Variants in EIF2D observed in about 807,000 individuals in gnomAD.
EIF2D encodes hepatocellular carcinoma-associated antigen 56.
A neutral mutation model predicts 77.4 loss-of-function variants in EIF2D; 56 were observed. The ratio of observed to expected loss-of-function variants is 0.72; its 90% CI spans 0.58 to 0.90. The LOEUF (loss-of-function observed/expected upper bound fraction) is 0.90, where lower values mean the gene tolerates loss of function less well. Among genes scored for constraint, EIF2D ranks in the 40% least tolerant of loss-of-function variants. The probability of loss-of-function intolerance (pLI) is 0.00; values close to 1 mark genes in which losing one functional copy is unlikely to be tolerated. For missense variants in EIF2D, 574 were observed against 706.5 expected (o/e 0.81, Z 2.13); for synonymous variants, 230 against 271.0 (o/e 0.85, Z 1.49).
chr1:206,574,852 AC>A (rs1668577867), intron 4 of EIF2D, among the ~76,000 whole-genome samples: 1 of 116,586 alleles, frequency 8.6e-6, no homozygotes, highest in Non-Finnish European at 1.8e-5. Flanking sequence ...GGGACCAATG[AC>A]TTTTTTTTTT....
At chr1:206,610,644 TCC>T (rs1670431087) in intron 2 of EIF2D, among the ~76,000 whole-genome samples, 1 of 151,900 alleles carries the variant, frequency 6.6e-6, no homozygotes, top group African/African-American at 2.4e-5. Context: ...CATGGTGAAA[TCC>T]CGTCTCTACT....
chr1:206,598,503 AT>A (rs1431461211), intron 11 of EIF2D, among the ~76,000 whole-genome samples: 2 of 152,212 alleles, frequency 1.3e-5, no homozygotes, highest in Admixed American at 6.5e-5. Context: ...ACAACAATGT[AT>A]TGTGTATGTC....
chr1:206,602,926 G>T, intron 6 of EIF2D, 25 bp downstream of exon 6: 4 of 1,609,970 alleles, frequency 2.5e-6, no homozygotes, highest in Non-Finnish European at 3.4e-6. Context: ...TGGGGAGATG[G>T]GCTCTTCTCC....
chr1:206,609,290 A>T (rs565071291), intron 3 of EIF2D, 86 bp downstream of exon 3: 1 of 1,336,924 alleles, frequency 7.5e-7, no homozygotes, highest in South Asian at 1.2e-5. Flanking sequence ...CCACAAAAAC[A>T]CAGGAAATGG....
intron 2 of EIF2D, among the ~76,000 whole-genome samples, chr1:206,610,654 A>C (rs541148947): frequency 5.9e-5 from 9 of 152,264 alleles, no homozygotes; most frequent in African/African-American, 2.2e-4. Context: ...TCCCGTCTCT[A>C]CTAAAAAATG....
chr1:206,602,097 C>A, intron 7 of EIF2D: 1 of 454,330 alleles, frequency 2.2e-6, no homozygotes, highest in Non-Finnish European at 3.9e-6. Flanking sequence ...TTTAACTTTC[C>A]GGTCCTCAAT....
At position 206,611,269 on chromosome 1, in the gene EIF2D, A is replaced by G. The variant is rs1670482268; in HGVS notation, c.162T>C (p.Tyr54=). ...CAGTCACTGCATCCCCTTTGTGAGC[A>G]TACAACTTCACAATGTTGAGCTCCT... ...GKEELNIVKL[Y]AHKGDAVTVY... The change falls in exon 2 of 15, where the codon TAT becomes TAC. Residue 54 remains tyrosine, a synonymous_variant. Coordinates refer to ENST00000271764, the MANE Select transcript of EIF2D (RefSeq NM_006893.3). 1 of 1,614,212 alleles carries G rather than the reference A, an allele frequency of 6.2e-7. No homozygotes were observed. The highest frequency in any genetic ancestry group is 1.3e-5 in the African/African-American group (1 of 75,054).
intron 5 of EIF2D, chr1:206,603,472 A>C (rs1670031841): frequency 5.7e-6 from 2 of 350,754 alleles, no homozygotes. Context: ...ATTAATAGAC[A>C]TCCCAAGACT....
chr1:206,573,325 T>G (rs182458871), intron 4 of EIF2D, among the ~76,000 whole-genome samples: 1 of 152,196 alleles, frequency 6.6e-6, no homozygotes, highest in Non-Finnish European at 1.5e-5. Context: ...CTGAGGCATA[T>G]AGATTTTCTG....
chr1:206,574,412 T>G (rs1391842414), intron 4 of EIF2D, among the ~76,000 whole-genome samples: 1 of 152,216 alleles, frequency 6.6e-6, no homozygotes, highest in African/African-American at 2.4e-5. Flanking sequence ...TCCTCACCCA[T>G]AGGCAGTTCA....
chr1:206,599,678 T>C lies in EIF2D; in HGVS notation c.1052+55A>G. 1 of 1,612,872 alleles carries C rather than the reference T, an allele frequency of 6.2e-7. No individual in the cohort carries two copies. Among genetic ancestry groups the C allele is most frequent in the East Asian group, 2.2e-5 (1 of 44,860 alleles). ...TAGCATCTCAGCAATCCCCAGTCCG[T>C]GGCCCAGGTGCCCTGGGGCCAGCTG... On this transcript the variant is annotated intron_variant, in intron 9 of 14. Transcript: ENST00000271764. The surrounding 1 kb of genome is among the most constrained non-coding windows in gnomAD (Gnocchi z 4.1).
intron 6 of EIF2D, 171 bp downstream of exon 6, chr1:206,602,780 G>A (rs781901190): frequency 3.0e-4 from 291 of 978,088 alleles, no homozygotes; most frequent in Non-Finnish European, 3.9e-4. Flanking sequence ...ATGTGGAAAG[G>A]ATTCAAAAAC....
Position 206,596,213 on chromosome 1 carries a change from G to A in EIF2D, c.1389-375C>T, listed in dbSNP as rs562704609. Among the ~76,000 whole-genome samples the A allele has an allele frequency of 1.4e-4, 21 of 152,298 alleles. 1 individual carries two copies. Among genetic ancestry groups the A allele is most frequent in the Admixed American group, 1.1e-3 (17 of 15,290 alleles). On this transcript the variant is annotated intron_variant, in intron 12 of 14. Transcript: ENST00000271764. ...GTGCCTTAAGTGGCCCATTGCCTGC[G>A]AGTGCTGCTTCACATTTCTGACATG... is the stretch of plus-strand genomic sequence containing the variant.
downstream of EIF2D, chr1:206,586,662 T>G (rs946598339): frequency 2.0e-5 from 13 of 637,482 alleles, no homozygotes; most frequent in Non-Finnish European, 3.0e-5. Flanking sequence ...ATGACAGGCA[T>G]GCAAAGCCCA....
At chr1:206,594,887 C>A (rs949225564) in intron 13 of EIF2D, 8 of 152,070 alleles carry the variant, frequency 5.3e-5, no homozygotes, top group African/African-American at 1.9e-4. Flanking sequence ...TAAATAGTGA[C>A]TGTTACTAAT....
intron 4 of EIF2D, among the ~76,000 whole-genome samples, chr1:206,574,122 C>T (rs1553404706): frequency 6.6e-6 from 1 of 152,178 alleles, no homozygotes; most frequent in African/African-American, 2.4e-5. Flanking sequence ...GCTACTGTTC[C>T]CTGGTATAAC....
chr1:206,609,186 C>A (rs1283195082), intron 3 of EIF2D, among the ~76,000 whole-genome samples, 190 bp downstream of exon 3: 5 of 152,214 alleles, frequency 3.3e-5, no homozygotes, highest in Admixed American at 6.5e-5. Flanking sequence ...CTTATTTAAG[C>A]CTTACAACAG....
At position 206,599,452 on chromosome 1, in the gene EIF2D, C is replaced by G; in HGVS notation, c.1202+11G>C. On this transcript the variant is annotated intron_variant, in intron 10 of 14. Transcript: ENST00000271764. The surrounding 1 kb of genome is among the most constrained non-coding windows in gnomAD (Gnocchi z 4.1). Reference sequence around the variant, plus strand: ...AAGCAGGCAGAGAAGGGCTGCTCTCCAAAAACTCACTTGTGGCCAGACTCC... The same window carrying G: ...AAGCAGGCAGAGAAGGGCTGCTCTCGAAAAACTCACTTGTGGCCAGACTCC... The G allele has an allele frequency of 6.2e-7, 1 of 1,613,346 alleles. No homozygotes were observed. The highest frequency in any genetic ancestry group is 8.5e-7 in the Non-Finnish European group (1 of 1,179,790).
downstream of EIF2D, chr1:206,586,906 G>A (rs782457424): frequency 6.2e-7 from 1 of 1,614,154 alleles, no homozygotes; most frequent in South Asian, 1.1e-5. Flanking sequence ...TCCAACAAGT[G>A]CAAAAGAAGT....
Sources: gnomAD v4.1 joint callset for allele counts (sites outside exome capture counted in the v4.1 genomes callset) on GRCh38, gnomAD v4.1.1 for gene constraint, Gnocchi (gnomAD v3.1) non-coding constraint, MANE v1.5 for transcripts, NCBI Gene and HGNC (gene_info 2026-07-23, HGNC 2026-07-21) for gene names.